OTOF: variants seen among roughly 807,000 people sequenced by gnomAD.
The protein encoded by OTOF is otoferlin, also known as fer-1-like family member 2.
Under a neutral mutation model 236.8 loss-of-function variants are expected in OTOF, and 218 were observed. The ratio of observed to expected loss-of-function variants is 0.92; its 90% CI spans 0.82 to 1.03. The LOEUF (loss-of-function observed/expected upper bound fraction) is 1.03, where lower values mean the gene tolerates loss of function less well. Ranked by LOEUF, OTOF falls within the 50% of genes least tolerant of loss-of-function variation. The pLI is 0.00. For missense variants in OTOF, 2,590 were observed against 2,694.4 expected (o/e 0.96, Z 0.86); for synonymous variants, 1,041 against 1,072.5 (o/e 0.97, Z 0.57).
At position 26,461,079 on chromosome 2, in the gene OTOF, C is replaced by T. The variant is rs762084749; in HGVS notation, c.5534-49G>A. 22 of 172,802 alleles carry T rather than the reference C, an allele frequency of 1.3e-4. No homozygotes were observed. The highest frequency in any genetic ancestry group is 6.7e-4 in the African/African-American group (6 of 9,018). The allele number at this position is 172,802 out of a possible 1,614,324, so 10.7% of individuals were successfully genotyped here. Reference sequence around the variant, plus strand: ...CAGAGTGAACAGGGCTGGGGTGGGGCGGGGTGGGGGTGGGGGTCTGGGCTC... The same window carrying T: ...CAGAGTGAACAGGGCTGGGGTGGGGTGGGGTGGGGGTGGGGGTCTGGGCTC... On this transcript the variant is annotated intron_variant, in intron 43 of 46. Coordinates refer to ENST00000272371, the MANE Select transcript of OTOF (RefSeq NM_194248.3). This position sits in a 1 kb window ranked among gnomAD's most constrained non-coding sequence, Gnocchi z 6.2.
In OTOF at chr2:26,516,440, G is replaced by GGGGCCGGGAGCT; in HGVS notation, c.475_486dup (p.Ser159_Pro162dup). 6.2e-7 allele frequency: 1 copy of GGGGCCGGGAGCT among 1,613,948 alleles called. No individual in the cohort carries two copies. Among genetic ancestry groups the GGGGCCGGGAGCT allele is most frequent in the Non-Finnish European group, 8.5e-7 (1 of 1,179,956 alleles). On this transcript the variant is annotated inframe_insertion, in exon 5 of 47. Coordinates refer to ENST00000272371, the MANE Select transcript of OTOF (RefSeq NM_194248.3). Reference sequence around the variant, plus strand: ...TACCTCCGGAAGCTCTTCTCTCCTGGGGGCCGGGAGCTGGGCCGGGAGCCT... The same window carrying GGGGCCGGGAGCT: ...TACCTCCGGAAGCTCTTCTCTCCTGGGGGCCGGGAGCTGGGCCGGGAGCTGGGCCGGGAGCCT...
intron 7 of OTOF, 98 bp from the exon 8 acceptor site, chr2:26,501,906 C>G (rs1043615643): frequency 1.1e-6 from 1 of 871,078 alleles, no homozygotes. Flanking sequence ...GGCAGAGGGA[C>G]AGAATCATGG....
In OTOF at chr2:26,521,069, G is replaced by A. The variant is rs377500718; in HGVS notation, c.228-1960C>T. Among the ~76,000 whole-genome samples the A allele has an allele frequency of 6.5e-4, 99 of 152,276 alleles. 1 individual carries two copies. In the East Asian group the frequency reaches 0.016, roughly 24 times the overall value. The stretch of plus-strand genomic sequence containing the variant: ...GTGAAGTCACCAAACTGGGTCCACC[G>A]GACTTCAGTTCACACCACTGGCCCC... On this transcript the variant is annotated intron_variant, in intron 3 of 46. Transcript: ENST00000272371.
At chr2:26,552,128 G>A (rs189974847) in intron 1 of OTOF, among the ~76,000 whole-genome samples, 52 of 148,368 alleles carry the variant, frequency 3.5e-4, no homozygotes, top group African/African-American at 1.2e-3. Context: ...AGTGGCTTAC[G>A]CCTATAATCC....
At chr2:26,522,865 G>A (rs1198986415) in intron 3 of OTOF, among the ~76,000 whole-genome samples, 1 of 152,140 alleles carries the variant, frequency 6.6e-6, no homozygotes, top group Non-Finnish European at 1.5e-5. Context: ...TGCCTTACAG[G>A]GCCATCCAGG....
rs769432101 is a variant in OTOF at position 26,489,235 on chromosome 2, C to G, written c.1021G>C (p.Val341Leu). ...GTLVGSFKMD[V>L]GTVYSQPEHQ... ...CCTGGCTGCGAGTACACGGTTCCCACGTCCATTTTGAAGGAGCCCACCAGG... is the reference window on the plus strand; with the variant it reads ...CCTGGCTGCGAGTACACGGTTCCCAGGTCCATTTTGAAGGAGCCCACCAGG... The change falls in exon 11 of 47, where the codon GTG (valine) becomes CTG (leucine). Residue 341 changes from valine (V) to leucine (L), a missense_variant. This residue lies in a region of OTOF where 1,379 missense variants were observed against 1,341.6 expected (regional missense o/e 1.03). Transcript: ENST00000272371. The G allele has an allele frequency of 4.3e-6, 7 of 1,612,726 alleles. No individual in the cohort carries two copies. Among genetic ancestry groups the G allele is most frequent in the Non-Finnish European group, 5.9e-6 (7 of 1,179,618 alleles).
intron 3 of OTOF, among the ~76,000 whole-genome samples, chr2:26,524,239 G>A (rs760899151): frequency 1.2e-4 from 18 of 149,124 alleles, no homozygotes; most frequent in Admixed American, 3.3e-4. Context: ...TGGATTTGGT[G>A]GCTGGCACCT....
At chr2:26,508,400 A>G (rs190499793) in intron 5 of OTOF, among the ~76,000 whole-genome samples, 1 of 152,326 alleles carries the variant, frequency 6.6e-6, no homozygotes, top group East Asian at 1.9e-4. Context: ...TAGTTTTTGA[A>G]TAGCTTTCCA....
intron 1 of OTOF, among the ~76,000 whole-genome samples, chr2:26,538,627 T>C (rs529602876): frequency 3.7e-4 from 57 of 152,278 alleles, no homozygotes; most frequent in African/African-American, 1.3e-3. Flanking sequence ...CTCCATCGTG[T>C]GGGAAACACC....
chr2:26,501,375 T>C (rs533710713), intron 8 of OTOF, among the ~76,000 whole-genome samples: 2 of 152,324 alleles, frequency 1.3e-5, no homozygotes, highest in Admixed American at 1.3e-4. Flanking sequence ...AAACAACAAT[T>C]TAAAAATCAT....
In OTOF at chr2:26,476,868, A is replaced by G. The variant is rs189225194; in HGVS notation, c.2676+23T>C. The stretch of plus-strand genomic sequence containing the variant: ...CTCCCCTGAAAGGACCCAGGCCCCC[A>G]TCCATCCTGCCCCCTCCAGCACCTT... On this transcript the variant is annotated intron_variant, in intron 22 of 46. Transcript: ENST00000272371. 8 of 1,601,700 alleles carry G rather than the reference A, an allele frequency of 5.0e-6. No individual in the cohort carries two copies. The East Asian group carries it at 1.8e-4, about 36-fold the overall frequency.
In OTOF at chr2:26,518,008, G is replaced by A. The variant is rs574818090; in HGVS notation, c.327+1002C>T. ...GCACCCCTTCTCCCCTTGCTGTGGT[G>A]GCTGAGACCCCGGTAACTTTAAGAA... On this transcript the variant is annotated intron_variant, in intron 4 of 46. Transcript: ENST00000272371. Among the ~76,000 whole-genome samples the A allele has an allele frequency of 3.3e-4, 50 of 152,270 alleles. 1 individual carries two copies. The South Asian group carries it at 7.7e-3, about 23-fold the overall frequency.
At chr2:26,464,712 G>A (rs1045067383) in intron 39 of OTOF, among the ~76,000 whole-genome samples, 157 bp downstream of exon 39, 4 of 152,142 alleles carry the variant, frequency 2.6e-5, no homozygotes, top group Non-Finnish European at 4.4e-5. Flanking sequence ...AGACAGGAAC[G>A]GGGCTCTGGG....
intron 35 of OTOF, 118 bp downstream of exon 35, chr2:26,466,981 G>A: frequency 3.2e-6 from 5 of 1,559,402 alleles, no homozygotes; most frequent in Non-Finnish European, 4.4e-6. Context: ...TGAGTCATGG[G>A]AGAGTCCAGG....
At chr2:26,467,797 C>G (rs1311928565) in intron 33 of OTOF, among the ~76,000 whole-genome samples, 1 of 152,196 alleles carries the variant, frequency 6.6e-6, no homozygotes, top group African/African-American at 2.4e-5. Flanking sequence ...CTTGCCCACT[C>G]ACTTTCCTCA....
In OTOF at chr2:26,477,048, G is replaced by A; in HGVS notation, c.2524-5C>T. On this transcript the variant is annotated splice_polypyrimidine_tract_variant and splice_region_variant and intron_variant, in intron 21 of 46. Transcript: ENST00000272371. The surrounding 1 kb of genome is among the most constrained non-coding windows in gnomAD (Gnocchi z 4.7). ...GTCGGGAATGCTGTGCTGGGGCTGG[G>A]GGTTGGGGGGTGGCCAGGGGCAGTG... The A allele has an allele frequency of 6.4e-7, 1 of 1,560,484 alleles. No homozygotes were observed. Among genetic ancestry groups the A allele is most frequent in the Non-Finnish European group, 8.7e-7 (1 of 1,150,424 alleles).
chr2:26,483,236 T>C (rs1375913428), intron 13 of OTOF, among the ~76,000 whole-genome samples: 1 of 151,996 alleles, frequency 6.6e-6, no homozygotes, highest in East Asian at 1.9e-4. Flanking sequence ...TGTGGACTTG[T>C]CTCCACTCTT....
Position 26,558,510 on chromosome 2 carries a change from G to A in OTOF, c.62C>T (p.Ala21Val), listed in dbSNP as rs2148144145. Residue 21 changes from alanine (A) to valine (V), a missense_variant, in exon 1 of 47, where the codon GCC becomes GTC. By Grantham distance (64) the Ala-to-Val change is moderately conservative. Around this residue, in one of 2 missense-constraint regions of OTOF, gnomAD observed 1,379 missense variants for 1,341.6 expected, o/e 1.03. Transcript: ENST00000272371. The stretch of plus-strand genomic sequence containing the variant: ...TTCCCTACCTCGGAAAGTCACTTTG[G>A]CGATCCGGTCGCCCCTGCCCCGCAG... ...SELRGRGDRI[A>V]KVTFRGQSFY... 1 of 1,613,918 alleles carries A rather than the reference G, an allele frequency of 6.2e-7. No individual in the cohort carries two copies. Among genetic ancestry groups the A allele is most frequent in the African/African-American group, 1.3e-5 (1 of 75,024 alleles).
chr2:26,541,160 G>T (rs943409115), intron 1 of OTOF, among the ~76,000 whole-genome samples: 1 of 152,218 alleles, frequency 6.6e-6, no homozygotes, highest in Non-Finnish European at 1.5e-5. Flanking sequence ...CCCAGCGGAG[G>T]ATTGGGAGAA....
Sources: allele counts gnomAD v4.1 joint callset (sites outside exome capture counted in the v4.1 genomes callset), GRCh38; gene constraint gnomAD v4.1.1; regional missense constraint gnomAD v4.1.1; non-coding constraint Gnocchi (gnomAD v3.1); transcripts MANE v1.5; gene names NCBI Gene and HGNC (gene_info 2026-07-23, HGNC 2026-07-21).